TAFA1: variants seen among roughly 807,000 people sequenced by gnomAD.
TAFA1 encodes the protein chemokine-like protein TAFA-1.
Under a neutral mutation model 18.5 loss-of-function variants are expected in TAFA1, and 4 were observed. That is an observed-to-expected ratio of 0.22 (90% CI 0.11 to 0.49). TAFA1 has a LOEUF of 0.49. Ranked by LOEUF, TAFA1 falls within the 20% of genes least tolerant of loss-of-function variation. TAFA1 has a pLI of 0.98. For synonymous variants in TAFA1, 56 were observed against 55.2 expected, an observed-to-expected ratio of 1.01 and a Z score of -0.06; for missense variants, 147 against 169.0, an observed-to-expected ratio of 0.87 and a Z score of 0.72.
At chr3:68,435,516 A>G (rs2071253540) in intron 3 of TAFA1, among the ~76,000 whole-genome samples, 1 of 152,194 alleles carries the variant, frequency 6.6e-6, no homozygotes, top group Admixed American at 6.6e-5. Context: ...TATAATTGCT[A>G]TTCATTGTAC....
chr3:68,371,574 G>T (rs1426872963), intron 2 of TAFA1, among the ~76,000 whole-genome samples: 1 of 152,106 alleles, frequency 6.6e-6, no homozygotes, highest in Non-Finnish European at 1.5e-5. Flanking sequence ...TTTTATGGCT[G>T]CATAGTATTC....
chr3:68,287,908 G>GGA, intron 2 of TAFA1, among the ~76,000 whole-genome samples: 1 of 70,814 alleles, frequency 1.4e-5, no homozygotes, highest in Non-Finnish European at 3.1e-5. Flanking sequence ...TGTTTTTGTT[G>GGA]GGGGGTGGGG....
At chr3:68,254,645 A>C (rs1465704236) in intron 2 of TAFA1, among the ~76,000 whole-genome samples, 1 of 152,060 alleles carries the variant, frequency 6.6e-6, no homozygotes, top group African/African-American at 2.4e-5. Flanking sequence ...AATAAAGATA[A>C]AGGTAAGGTA....
chr3:68,475,023 T>A (rs1234859301), intron 3 of TAFA1, among the ~76,000 whole-genome samples: 3 of 152,130 alleles, frequency 2.0e-5, no homozygotes, highest in Non-Finnish European at 4.4e-5. Context: ...TCAAAGAAGC[T>A]CTGGTTCTTT....
At chr3:68,356,279 C>T (rs2069362682) in intron 2 of TAFA1, among the ~76,000 whole-genome samples, 1 of 151,916 alleles carries the variant, frequency 6.6e-6, no homozygotes, top group South Asian at 2.1e-4. Context: ...AGGAAAAGCA[C>T]TGTCCCTCAG....
intron 2 of TAFA1, among the ~76,000 whole-genome samples, chr3:68,278,853 T>C (rs2067844634): frequency 6.6e-6 from 1 of 152,156 alleles, no homozygotes; most frequent in Admixed American, 6.6e-5. Flanking sequence ...AGTTGCCAGA[T>C]GACACAGATT....
At chr3:68,315,681 T>C (rs1041171740) in intron 2 of TAFA1, among the ~76,000 whole-genome samples, 1 of 152,214 alleles carries the variant, frequency 6.6e-6, no homozygotes, top group Non-Finnish European at 1.5e-5. Context: ...AAGCACACTA[T>C]GCAAATTGTG....
At chr3:68,300,698 G>T (rs1040215506) in intron 2 of TAFA1, among the ~76,000 whole-genome samples, 1 of 152,242 alleles carries the variant, frequency 6.6e-6, no homozygotes, top group South Asian at 2.1e-4. Flanking sequence ...TAATCATCAC[G>T]TGTCAAGGGA....
chr3:68,370,470 G>GTATATATATATATATATATATA (rs2069675173), intron 2 of TAFA1, among the ~76,000 whole-genome samples: 627 of 31,114 alleles, frequency 0.02, 41 homozygotes, highest in Middle Eastern at 0.043. Flanking sequence ...GTGTGTGTGT[G>GTATATATATATATATATATATA]TGTATATATA....
chr3:68,533,421 G>T (rs2073220696), intron 3 of TAFA1, among the ~76,000 whole-genome samples: 1 of 152,034 alleles, frequency 6.6e-6, no homozygotes, highest in Non-Finnish European at 1.5e-5. Flanking sequence ...TCTCCCACAG[G>T]GTCCCTCCCA....
intron 2 of TAFA1, among the ~76,000 whole-genome samples, chr3:68,303,351 A>G (rs980358292): frequency 2.6e-5 from 4 of 152,356 alleles, no homozygotes; most frequent in Middle Eastern, 3.4e-3. Flanking sequence ...TTGGTTGACC[A>G]TAACATAACA....
At chr3:68,469,471 G>A (rs1161699701) in intron 3 of TAFA1, among the ~76,000 whole-genome samples, 4 of 152,094 alleles carry the variant, frequency 2.6e-5, no homozygotes, top group East Asian at 1.9e-4. Flanking sequence ...TCAGGAGATC[G>A]AGACCATCCT....
chr3:68,038,433 G>A (rs1705096848), intron 2 of TAFA1, among the ~76,000 whole-genome samples: 3 of 152,166 alleles, frequency 2.0e-5, no homozygotes, highest in African/African-American at 4.8e-5. Context: ...GTGCTTTGCA[G>A]AACCTGTCTT....
At chr3:68,391,542 G>A (rs564296760) in intron 2 of TAFA1, among the ~76,000 whole-genome samples, 16 of 152,186 alleles carry the variant, frequency 1.1e-4, no homozygotes, top group East Asian at 7.8e-4. Context: ...AAGAGCAACC[G>A]TAAGACACAT....
At chr3:68,287,470 G>C (rs1027626962) in intron 2 of TAFA1, among the ~76,000 whole-genome samples, 1 of 146,122 alleles carries the variant, frequency 6.8e-6, no homozygotes, top group Non-Finnish European at 1.5e-5. Context: ...ACCGTAAGGG[G>C]CAATGAGATT....
chr3:68,080,955 A>C (rs1269025577), intron 2 of TAFA1, among the ~76,000 whole-genome samples: 1 of 152,130 alleles, frequency 6.6e-6, no homozygotes. Context: ...TACACCAATC[A>C]GACGTAGATT....
At chr3:68,276,006 C>G (rs941917851) in intron 2 of TAFA1, among the ~76,000 whole-genome samples, 1 of 152,028 alleles carries the variant, frequency 6.6e-6, no homozygotes, top group Non-Finnish European at 1.5e-5. Context: ...TGTCTAGTAC[C>G]TGTTAGACTC....
rs1163313808 is a variant in TAFA1, at chr3:68,199,330, G to A, written c.118+192586G>A. 4.0e-5 allele frequency among the ~76,000 whole-genome samples: 6 copies of A among 151,488 alleles called. No individual in the cohort carries two copies. In the South Asian group the frequency reaches 8.3e-4, roughly 21 times the overall value. On this transcript the variant is annotated intron_variant, in intron 2 of 4. Coordinates refer to ENST00000478136, the MANE Select transcript of TAFA1 (RefSeq NM_213609.4). The stretch of plus-strand genomic sequence containing the variant: ...CTTTATTTTTCTCCTTCAATGTCGT[G>A]TTGGCTATTCTGACTCTTTTGCCTC...
chr3:68,099,627 C>A (rs1437115511), intron 2 of TAFA1, among the ~76,000 whole-genome samples: 1 of 151,850 alleles, frequency 6.6e-6, no homozygotes, highest in Non-Finnish European at 1.5e-5. Context: ...ACCATTCAAC[C>A]CAACAATCCC....
Sources: allele counts gnomAD v4.1 joint callset (sites outside exome capture counted in the v4.1 genomes callset), GRCh38; gene constraint gnomAD v4.1.1; transcripts MANE v1.5; gene names NCBI Gene and HGNC (gene_info 2026-07-23, HGNC 2026-07-21).